The following DGKQ variants were observed in gnomAD, a reference collection of about 807,000 sequenced individuals.
DGKQ encodes diacylglycerol kinase theta.
A neutral mutation model predicts 104.2 loss-of-function variants in DGKQ; 97 were observed. That is an observed-to-expected ratio of 0.93 (90% confidence interval 0.79 to 1.10). The LOEUF is 1.10. Ranked by LOEUF, DGKQ falls within the 50% of genes least tolerant of loss-of-function variation. The pLI is 0.00. For missense variants in DGKQ, 1,465 were observed against 1,352.1 expected (o/e 1.08, Z -1.31); for synonymous variants, 736 against 595.2 (o/e 1.24, Z -3.44).
rs768513842 is a variant in DGKQ at position 960,570 on chromosome 4, G to A, written c.*50C>T. ...CTGCCTCCAGACCACCTGAAAACAA[G>A]GCTGGCGGGAGCAGAGATGGCTCGA... On this transcript the variant is annotated 3_prime_UTR_variant, in exon 23 of 23. Transcript: ENST00000273814. 8 of 1,549,826 alleles carry A rather than the reference G, an allele frequency of 5.2e-6. No homozygotes were observed. The Admixed American group carries it at 1.0e-4, about 20-fold the overall frequency.
chr4:961,583 C>T lies in DGKQ; in HGVS notation c.2463-5G>A, dbSNP rs753390231. 16 of 1,609,474 alleles carry T rather than the reference C, an allele frequency of 9.9e-6. No individual in the cohort carries two copies. Among genetic ancestry groups the T allele is most frequent in the Admixed American group, 1.7e-5 (1 of 59,662 alleles). ...AGGTCGGCCCCCGAGCCCCAGCTGC[C>T]GCATAAGAGAGCGGGCACAGAGGTG... On this transcript the variant is annotated splice_region_variant and splice_polypyrimidine_tract_variant and intron_variant, in intron 20 of 22. Transcript: ENST00000273814.
intron 3 of DGKQ, 79 bp from the exon 4 acceptor site, chr4:968,643 C>T: frequency 1.4e-6 from 2 of 1,436,434 alleles, no homozygotes; most frequent in Non-Finnish European, 1.9e-6. Context: ...TCTGCCCCAT[C>T]CCCACCACCT....
chr4:973,382 C>T lies in DGKQ; in HGVS notation c.101G>A (p.Arg34His). Residue 34 changes from arginine (R) to histidine (H), a missense_variant, in exon 1 of 23, where the codon CGC becomes CAC. Physicochemically the swap from Arg to His is conservative, Grantham distance 29 (BLOSUM62 0). Transcript: ENST00000273814. ...ACSPVLGSGG[R>H]ARPGPGPGPG... ...CCCCGGCCCCGGCCCCGGGCGCGCG[C>T]GGCCTCCTGAGCCCAGCACGGGGCT... is the stretch of plus-strand genomic sequence containing the variant. 9.0e-7 allele frequency: 1 copy of T among 1,116,676 alleles called. No homozygotes were observed. Among genetic ancestry groups the T allele is most frequent in the Non-Finnish European group, 1.1e-6 (1 of 918,094 alleles). 69.2% of individuals were successfully genotyped at this position (1,116,676 alleles called of 1,614,324 possible).
Position 972,542 on chromosome 4 carries a change from C to A in DGKQ, c.271+670G>T, listed in dbSNP as rs371695878. The stretch of plus-strand genomic sequence containing the variant: ...AACGTCCAGAACTCCGGTCCTGTCC[C>A]TCGCTCCCTCCAGAGGCTGGGCTGT... On this transcript the variant is annotated intron_variant, in intron 1 of 22. Transcript: ENST00000273814. Among the ~76,000 whole-genome samples the A allele has an allele frequency of 1.2e-4, 18 of 148,290 alleles. No individual in the cohort carries two copies. The South Asian group carries it at 3.8e-3, about 31-fold the overall frequency.
intron 22 of DGKQ, 137 bp downstream of exon 22, chr4:960,912 G>A (rs1456727990): frequency 1.3e-6 from 2 of 1,497,048 alleles, no homozygotes; most frequent in African/African-American, 2.8e-5. Context: ...GCCCTCCTCT[G>A]AAGCAGGCAC....
Position 971,197 on chromosome 4 carries a change from C to T in DGKQ, c.272-125G>A. 1 of 672,414 alleles carries T rather than the reference C, an allele frequency of 1.5e-6. No homozygotes were observed. The highest frequency in any genetic ancestry group is 2.6e-6 in the Non-Finnish European group (1 of 387,228). The allele number at this position is 672,414 out of a possible 1,614,324, so 41.7% of individuals were successfully genotyped here. On this transcript the variant is annotated intron_variant, in intron 1 of 22. Coordinates refer to ENST00000273814, the MANE Select transcript of DGKQ (RefSeq NM_001347.4). This position sits in a 1 kb window ranked among gnomAD's most constrained non-coding sequence, Gnocchi z 4.0. ...ATGCTGCACCAGGGGCCCTGTGGTC[C>T]TCGAGTTCCCCCACCACCCTGCCCA...
In DGKQ at chr4:971,298, G is replaced by A. The variant is rs1414461979; in HGVS notation, c.272-226C>T. ...GGTCCTGACCATCCTGGAGGACAAT[G>A]AGTGTATCCTCTCATCCAGAGAGCA... On this transcript the variant is annotated intron_variant, in intron 1 of 22. Transcript: ENST00000273814. This position sits in a 1 kb window ranked among gnomAD's most constrained non-coding sequence, Gnocchi z 4.0. Among the ~76,000 whole-genome samples, 1 of 152,192 alleles carries A rather than the reference G, an allele frequency of 6.6e-6. No individual in the cohort carries two copies. Among genetic ancestry groups the A allele is most frequent in the Non-Finnish European group, 1.5e-5 (1 of 68,034 alleles).
At chr4:969,449 G>A (rs981031667) in intron 2 of DGKQ, among the ~76,000 whole-genome samples, 1 of 152,228 alleles carries the variant, frequency 6.6e-6, no homozygotes, top group Non-Finnish European at 1.5e-5. Context: ...GCTTTTCCAC[G>A]AGAAGGGAAG....
In DGKQ at chr4:966,894, C is replaced by T. The variant is rs138999831; in HGVS notation, c.1311+70G>A. 229 of 1,552,096 alleles carry T rather than the reference C, an allele frequency of 1.5e-4. No individual in the cohort carries two copies. In the African/African-American group the frequency reaches 2.8e-3, roughly 19 times the overall value. Reference sequence around the variant, plus strand: ...AGCCACGCCTGGGCTGGGATGGTGGCCTGGCCTCCTGGGGACAGCGACCCC... The same window carrying T: ...AGCCACGCCTGGGCTGGGATGGTGGTCTGGCCTCCTGGGGACAGCGACCCC... On this transcript the variant is annotated intron_variant, in intron 10 of 22. Coordinates refer to ENST00000273814, the MANE Select transcript of DGKQ (RefSeq NM_001347.4).
chr4:965,412 C>G, intron 14 of DGKQ, 79 bp downstream of exon 14: 2 of 1,555,714 alleles, frequency 1.3e-6, no homozygotes, highest in Non-Finnish European at 1.8e-6. Context: ...TCAGGTGCTA[C>G]GTGAGGGCCA....
In DGKQ at chr4:973,196, G is replaced by C. The variant is rs747865344; in HGVS notation, c.271+16C>G. 13 of 1,536,608 alleles carry C rather than the reference G, an allele frequency of 8.5e-6. No homozygotes were observed. Among genetic ancestry groups the C allele is most frequent in the Non-Finnish European group, 1.1e-5 (13 of 1,144,504 alleles). ...GCAGGGCTGCAGCCGGGTAGGCATC[G>C]GGCCCGGGCGCTCACCGTCGCACAG... On this transcript the variant is annotated intron_variant, in intron 1 of 22. Transcript: ENST00000273814.
rs1397061190 is a variant in DGKQ at position 960,684 on chromosome 4, C to G, written c.2765G>C (p.Arg922Thr). The change falls in exon 23 of 23, where the codon AGG (arginine) becomes ACG (threonine). Residue 922 changes from arginine to threonine, a missense_variant. Coordinates refer to ENST00000273814, the MANE Select transcript of DGKQ (RefSeq NM_001347.4). ...CCGGGCATCCCTGGTGGTCCCGGCCCTCCTCGGCTTCTGCTTGGCCTTCCT... is the reference window on the plus strand; with the variant it reads ...CCGGGCATCCCTGGTGGTCCCGGCCGTCCTCGGCTTCTGCTTGGCCTTCCT... ...MLRKAKQKPR[R>T]AGTTRDARAD... is the part of the protein sequence containing the mutation. 6.2e-7 allele frequency: 1 copy of G among 1,612,344 alleles called. No individual in the cohort carries two copies. The highest frequency in any genetic ancestry group is 8.5e-7 in the Non-Finnish European group (1 of 1,179,802).
Position 961,157 on chromosome 4 carries a change from C to G in DGKQ, c.2619G>C (p.Gln873His), listed in dbSNP as rs754021551. The G allele has an allele frequency of 1.9e-6, 3 of 1,599,124 alleles. No individual in the cohort carries two copies. Among genetic ancestry groups the G allele is most frequent in the Non-Finnish European group, 2.6e-6 (3 of 1,173,586 alleles). ...GGAGCGTGACTCGGAAGTAGGAACC[C>G]TGGGCAATCCGGATTCCGGAGCGCA... is the stretch of plus-strand genomic sequence containing the variant. ...GGLRSGIRIAQGSYFRVTLLK... is the reference protein window; with the variant it reads ...GGLRSGIRIAHGSYFRVTLLK... The change falls in exon 22 of 23, where the codon CAG becomes CAC. Residue 873 changes from glutamine to histidine, a missense_variant. Coordinates refer to ENST00000273814, the MANE Select transcript of DGKQ (RefSeq NM_001347.4).
chr4:965,039 A>G (rs1712193077), intron 15 of DGKQ, 137 bp downstream of exon 15: 6 of 672,280 alleles, frequency 8.9e-6, no homozygotes, highest in South Asian at 8.8e-5. Flanking sequence ...GGCACCTACA[A>G]GCCCCCAGTG....
At position 971,011 on chromosome 4, in the gene DGKQ, C is replaced by A; in HGVS notation, c.333G>T (p.Val111=). 1.3e-6 allele frequency: 2 copies of A among 1,553,028 alleles called. No homozygotes were observed. Among genetic ancestry groups the A allele is most frequent in the South Asian group, 2.4e-5 (2 of 84,160 alleles). ...LKHVRIPCTS[V]APSLVRVPVA... ...CACTCACCCGGACCAGGCTGGGTGCCACACTCGTGCACGGGATCCTCACGT... is the reference window on the plus strand; with the variant it reads ...CACTCACCCGGACCAGGCTGGGTGCAACACTCGTGCACGGGATCCTCACGT... The change falls in exon 2 of 23, where the codon GTG becomes GTT. Residue 111 remains valine, a synonymous_variant. Transcript: ENST00000273814. The surrounding 1 kb of genome is among the most constrained non-coding windows in gnomAD (Gnocchi z 4.0).
rs1292476638 is a variant in DGKQ at position 973,488 on chromosome 4, G to C, written c.-6C>G. On this transcript the variant is annotated 5_prime_UTR_variant, in exon 1 of 23. Transcript: ENST00000273814. ...GGCTCGGCCGCCGCCGCCATTCCCG[G>C]CCCGAGCGGCCCGAGCCCCTTTAGG... 1 of 986,958 alleles carries C rather than the reference G, an allele frequency of 1.0e-6. No individual in the cohort carries two copies. The highest frequency in any genetic ancestry group is 1.8e-5 in the African/African-American group (1 of 56,986). The allele number at this position is 986,958 out of a possible 1,614,324, so 61.1% of individuals were successfully genotyped here.
At position 960,591 on chromosome 4, in the gene DGKQ, C is replaced by T; in HGVS notation, c.*29G>A. 1.3e-6 allele frequency: 2 copies of T among 1,595,304 alleles called. No homozygotes were observed. Among genetic ancestry groups the T allele is most frequent in the Non-Finnish European group, 1.7e-6 (2 of 1,167,268 alleles). On this transcript the variant is annotated 3_prime_UTR_variant, in exon 23 of 23. Transcript: ENST00000273814. ...ACAAGGCTGGCGGGAGCAGAGATGGCTCGAGCCCTTGGGCTGCCCCAGCCA... is the reference window on the plus strand; with the variant it reads ...ACAAGGCTGGCGGGAGCAGAGATGGTTCGAGCCCTTGGGCTGCCCCAGCCA...
chr4:966,231 C>A (rs940446972), intron 12 of DGKQ, 153 bp from the exon 13 acceptor site: 3 of 936,556 alleles, frequency 3.2e-6, no homozygotes, highest in Non-Finnish European at 3.2e-6. Context: ...GCCACAGAGG[C>A]TTCCTTGCTG....
chr4:968,267 C>A lies in DGKQ; in HGVS notation c.663+15G>T, dbSNP rs1712611033. ...TCCTGCCCCACCCCCACCCCCTCGA[C>A]TTCCCAGCGCCCACCTGGACCCCGC... On this transcript the variant is annotated intron_variant, in intron 5 of 22. Coordinates refer to ENST00000273814, the MANE Select transcript of DGKQ (RefSeq NM_001347.4). 2 of 1,412,584 alleles carry A rather than the reference C, an allele frequency of 1.4e-6. No individual in the cohort carries two copies. The highest frequency in any genetic ancestry group is 2.8e-5 in the East Asian group (1 of 36,052). The allele number at this position is 1,412,584 out of a possible 1,614,324, so 87.5% of individuals were successfully genotyped here.
Sources: allele counts gnomAD v4.1 joint callset (sites outside exome capture counted in the v4.1 genomes callset), GRCh38; gene constraint gnomAD v4.1.1; non-coding constraint Gnocchi (gnomAD v3.1); transcripts MANE v1.5; gene names NCBI Gene and HGNC (gene_info 2026-07-23, HGNC 2026-07-21).